The following LRP1B variants were observed in gnomAD, a reference collection of about 807,000 sequenced individuals.
LRP1B encodes low-density lipoprotein receptor-related protein 1B.
LRP1B carries 217 observed loss-of-function variants against 556.6 expected under a neutral mutation model. The observed-to-expected ratio is 0.39, with a 90% confidence interval of 0.35 to 0.44. LRP1B has a LOEUF of 0.44. LRP1B is among the 20% of genes least tolerant of loss of function. LRP1B has a pLI of 1.00. For missense variants in LRP1B, 5,053 were observed against 5,620.8 expected, an observed-to-expected ratio of 0.90 and a Z score of 3.23; for synonymous variants, 2,047 against 1,865.8, an observed-to-expected ratio of 1.10 and a Z score of -2.50.
At chr2:141,947,597 G>T (rs1574519525) in intron 1 of LRP1B, among the ~76,000 whole-genome samples, 1 of 152,010 alleles carries the variant, frequency 6.6e-6, no homozygotes, top group Non-Finnish European at 1.5e-5. Context: ...GAGATCACTA[G>T]GGCGTGATAG....
rs374778424 is a variant in LRP1B, at chr2:140,967,246, AG to A, written c.2887+14913del. 1.8e-3 allele frequency among the ~76,000 whole-genome samples: 271 copies of A among 152,102 alleles called. 1 individual carries two copies. Among genetic ancestry groups the A allele is most frequent in the Middle Eastern group, 3.4e-3 (1 of 294 alleles). ...AACAGCGGTTTGTAGTTCTCCTCAA[AG>A]GGGTTCTTCACATCCCTTGTAAGTT... On this transcript the variant is annotated intron_variant, in intron 18 of 90. Coordinates refer to ENST00000389484, the MANE Select transcript of LRP1B (RefSeq NM_018557.3).
chr2:140,239,668 T>C (rs1378029155), intron 87 of LRP1B, 136 bp from the exon 88 acceptor site: 2 of 518,432 alleles, frequency 3.9e-6, no homozygotes, highest in Middle Eastern at 5.2e-4. Flanking sequence ...ATATTTCGGG[T>C]TCATAATTAT....
rs1326348536 is a variant in LRP1B at position 141,956,119 on chromosome 2, A to C, written c.83-145718T>G. 6.6e-5 allele frequency among the ~76,000 whole-genome samples: 10 copies of C among 152,222 alleles called. No homozygotes were observed. The East Asian group carries it at 1.9e-3, about 30-fold the overall frequency. On this transcript the variant is annotated intron_variant, in intron 1 of 90. Transcript: ENST00000389484. ...CTAGCTGGGATACTAAGACAGGCAT[A>C]TGCCTAGGAATTGAATTTTTTTTGA...
chr2:140,513,505 T>C (rs1029545915), intron 51 of LRP1B, among the ~76,000 whole-genome samples: 6 of 150,158 alleles, frequency 4.0e-5, no homozygotes, highest in Non-Finnish European at 7.4e-5. Flanking sequence ...ACTTTTTTTC[T>C]TTCACAGCTT....
At position 140,425,063 on chromosome 2, in the gene LRP1B, T is replaced by TA. The variant is rs1242058274; in HGVS notation, c.10414+17440dup. On this transcript the variant is annotated intron_variant, in intron 66 of 90. Transcript: ENST00000389484. ...TGGTCTTGGAGGGACGTTTTTTTTT[T>TA]ATCACTGACTATGTTTAGAATTGCC... Among the ~76,000 whole-genome samples, 4 of 152,158 alleles carry TA rather than the reference T, an allele frequency of 2.6e-5. No homozygotes were observed. The East Asian group carries it at 7.7e-4, about 29-fold the overall frequency.
At chr2:141,370,656 C>T (rs981814661) in intron 3 of LRP1B, among the ~76,000 whole-genome samples, 1 of 151,814 alleles carries the variant, frequency 6.6e-6, no homozygotes, top group East Asian at 1.9e-4. Flanking sequence ...TGTTTAAATC[C>T]CATTTGTCTA....
intron 3 of LRP1B, among the ~76,000 whole-genome samples, chr2:141,401,796 CT>C (rs1481689231): frequency 6.6e-6 from 1 of 152,092 alleles, no homozygotes; most frequent in African/African-American, 2.4e-5. Context: ...GGAAAAATAC[CT>C]GGCACTACCA....
At chr2:141,798,451 T>C (rs924899261) in intron 2 of LRP1B, among the ~76,000 whole-genome samples, 5 of 152,064 alleles carry the variant, frequency 3.3e-5, no homozygotes, top group African/African-American at 1.2e-4. Flanking sequence ...CTCACGCCTA[T>C]AATCCCAGCA....
At chr2:140,657,606 T>TATATATACATAC (rs201965293) in intron 41 of LRP1B, among the ~76,000 whole-genome samples, 5 of 137,738 alleles carry the variant, frequency 3.6e-5, no homozygotes, top group African/African-American at 1.0e-4. Flanking sequence ...TATATATACA[T>TATATATACATAC]ATATATACAT....
At chr2:142,013,062 A>G (rs1703004680) in intron 1 of LRP1B, among the ~76,000 whole-genome samples, 1 of 152,220 alleles carries the variant, frequency 6.6e-6, no homozygotes, top group Non-Finnish European at 1.5e-5. Flanking sequence ...TTAGCTCATG[A>G]TTAGTTACCT....
At chr2:140,327,774 G>A (rs1170555529) in intron 79 of LRP1B, among the ~76,000 whole-genome samples, 1 of 151,960 alleles carries the variant, frequency 6.6e-6, no homozygotes, top group Non-Finnish European at 1.5e-5. Flanking sequence ...GCAGTAAAAA[G>A]GTCTCAAAAG....
In LRP1B at chr2:140,627,900, T is replaced by C. The variant is rs556011031; in HGVS notation, c.6800-26261A>G. 3.3e-4 allele frequency among the ~76,000 whole-genome samples: 51 copies of C among 152,254 alleles called. 1 individual carries two copies. Among genetic ancestry groups the C allele is most frequent in the Admixed American group, 3.3e-3 (51 of 15,300 alleles). On this transcript the variant is annotated intron_variant, in intron 41 of 90. Coordinates refer to ENST00000389484, the MANE Select transcript of LRP1B (RefSeq NM_018557.3). ...GGCAAAAGGATAGAACGAAAAAAACTTTGACAAACTAGGCTTTTCTGCCTG... is the reference window on the plus strand; with the variant it reads ...GGCAAAAGGATAGAACGAAAAAAACCTTGACAAACTAGGCTTTTCTGCCTG...
In LRP1B at chr2:140,370,810, C is replaced by G. The variant is rs950938230; in HGVS notation, c.10908G>C (p.Gln3636His). 6.2e-7 allele frequency: 1 copy of G among 1,612,668 alleles called. No homozygotes were observed. The highest frequency in any genetic ancestry group is 1.3e-5 in the African/African-American group (1 of 74,944). Residue 3636 changes from glutamine (Q) to histidine (H), a missense_variant, in exon 71 of 91, where the codon CAG (glutamine) becomes CAC (histidine). Physicochemically the swap from Gln to His is conservative, Grantham distance 24. Transcript: ENST00000389484. ...AGTGGGCTTTATTTTTGCACCGAAA[C>G]TGATCTTCCTTACATTCAGTCACAC... ...MDCVTECKED[Q>H]FRCKNKAHCI... is the part of the protein sequence containing the mutation.
chr2:140,388,496 G>A lies in LRP1B; in HGVS notation c.10415-2487C>T, dbSNP rs1046566622. 5.3e-5 allele frequency among the ~76,000 whole-genome samples: 8 copies of A among 151,810 alleles called. No homozygotes were observed. In the South Asian group the frequency reaches 8.3e-4, roughly 16 times the overall value. On this transcript the variant is annotated intron_variant, in intron 66 of 90. Transcript: ENST00000389484. ...TCATAGTTTGTGTTTAAAAATACCT[G>A]CACCTATTTCTTAACAAAAACAAGT...
chr2:140,822,807 G>A (rs1175030644), intron 31 of LRP1B, among the ~76,000 whole-genome samples: 3 of 152,152 alleles, frequency 2.0e-5, no homozygotes, highest in Non-Finnish European at 2.9e-5. Context: ...CAGCATAATG[G>A]TTAAGATTTC....
At chr2:141,916,000 C>T (rs1347423195) in intron 1 of LRP1B, among the ~76,000 whole-genome samples, 1 of 152,146 alleles carries the variant, frequency 6.6e-6, no homozygotes, top group Non-Finnish European at 1.5e-5. Context: ...ATTAGTTCAG[C>T]CACTATGGAA....
intron 41 of LRP1B, among the ~76,000 whole-genome samples, chr2:140,684,112 C>T (rs6746662): frequency 0.79 from 120,980 of 152,192 alleles, 49,155 homozygotes; most frequent in Non-Finnish European, 0.89. Flanking sequence ...AAAAAAATGA[C>T]GGAATCTATA....
At chr2:140,794,864 C>T (rs1296116238) in intron 32 of LRP1B, among the ~76,000 whole-genome samples, 3 of 152,086 alleles carry the variant, frequency 2.0e-5, no homozygotes, top group Non-Finnish European at 2.9e-5. Flanking sequence ...CCACCCACCT[C>T]GGCCTCCCAA....
At chr2:141,363,676 A>T (rs1334219626) in intron 3 of LRP1B, among the ~76,000 whole-genome samples, 3 of 152,076 alleles carry the variant, frequency 2.0e-5, no homozygotes, top group Non-Finnish European at 4.4e-5. Context: ...ACTTCTCAAG[A>T]CTTATTTGGT....
Sources: gnomAD v4.1 joint callset for allele counts (sites outside exome capture counted in the v4.1 genomes callset) on GRCh38, gnomAD v4.1.1 for gene constraint, MANE v1.5 for transcripts, NCBI Gene and HGNC (gene_info 2026-07-23, HGNC 2026-07-21) for gene names.